The following ATP8B3 variants were observed in gnomAD, a reference collection of about 807,000 sequenced individuals.
ATP8B3 encodes the protein ATPase phospholipid transporting 8B3.
A neutral mutation model predicts 140.9 loss-of-function variants in ATP8B3; 141 were observed. The observed-to-expected ratio is 1.00, with a 90% confidence interval of 0.87 to 1.15. The LOEUF (loss-of-function observed/expected upper bound fraction) is 1.15. ATP8B3 is among the 50% of genes most tolerant of loss of function. The pLI is 0.00. For missense variants in ATP8B3, 1,874 were observed against 1,740.6 expected (o/e 1.08, Z -1.36); for synonymous variants, 765 against 714.6 (o/e 1.07, Z -1.13).
At chr19:1,790,953 G>C in intron 20 of ATP8B3, 121 bp from the exon 21 acceptor site, 3 of 813,776 alleles carry the variant, frequency 3.7e-6, no homozygotes, top group Non-Finnish European at 5.8e-6. Context: ...CCCACCCCCT[G>C]GCCATGGTGA....
In ATP8B3 at chr19:1,807,387, C is replaced by A; in HGVS notation, c.517-121G>T. The A allele has an allele frequency of 1.3e-6, 1 of 761,320 alleles. No homozygotes were observed. The highest frequency in any genetic ancestry group is 1.7e-5 in the African/African-American group (1 of 58,228). The allele number at this position is 761,320 out of a possible 1,614,324, so 47.2% of individuals were successfully genotyped here. A position where few individuals can be genotyped will look rare whatever the true frequency, so the allele number is the denominator to read the frequency against. On this transcript the variant is annotated intron_variant, in intron 5 of 28. Coordinates refer to ENST00000310127, the MANE Select transcript of ATP8B3 (RefSeq NM_138813.4). The surrounding 1 kb of genome is among the most constrained non-coding windows in gnomAD (Gnocchi z 5.9). ...TGACACATCTGCTGGCCACCTTGAC[C>A]GGGGTCCAGCCATCTCCTGCAACCC... is the stretch of plus-strand genomic sequence containing the variant.
rs972563977 is a variant in ATP8B3 at position 1,806,399 on chromosome 19, C to T, written c.677+229G>A. On this transcript the variant is annotated intron_variant, in intron 7 of 28. Coordinates refer to ENST00000310127, the MANE Select transcript of ATP8B3 (RefSeq NM_138813.4). This position sits in a 1 kb window ranked among gnomAD's most constrained non-coding sequence, Gnocchi z 5.6. ...CACGTCCTCTTCAGACTTTCCTTGT[C>T]CTCCCCATCGCCCGAGCCCTAAGCT... 6.9e-7 allele frequency: 1 copy of T among 1,443,662 alleles called. No homozygotes were observed. The allele number at this position is 1,443,662 out of a possible 1,614,324, so 89.4% of individuals were successfully genotyped here. A position where few individuals can be genotyped will look rare whatever the true frequency, so the allele number is the denominator to read the frequency against.
At position 1,805,875 on chromosome 19, in the gene ATP8B3, C is replaced by G. The variant is rs2068996621; in HGVS notation, c.821+13G>C. On this transcript the variant is annotated intron_variant, in intron 9 of 28. Coordinates refer to ENST00000310127, the MANE Select transcript of ATP8B3 (RefSeq NM_138813.4). This position sits in a 1 kb window ranked among gnomAD's most constrained non-coding sequence, Gnocchi z 5.2. ...CACCCCCCAGGGTCCCCAGCGATGC[C>G]ACAGCTCCTCACCCGTCAATGTCCA... 1.2e-6 allele frequency: 2 copies of G among 1,612,628 alleles called. No individual in the cohort carries two copies. The highest frequency in any genetic ancestry group is 1.7e-6 in the Non-Finnish European group (2 of 1,179,822).
rs1195708927 is a variant in ATP8B3 at position 1,783,406 on chromosome 19, G to A, written c.3661-136C>T. Reference sequence around the variant, plus strand: ...GGCTACGTTCTTCCCTACCCAAGTTGAGCCAATTAGAGTCCTCGACTCTCA... The same window carrying A: ...GGCTACGTTCTTCCCTACCCAAGTTAAGCCAATTAGAGTCCTCGACTCTCA... On this transcript the variant is annotated intron_variant, in intron 28 of 28. Coordinates refer to ENST00000310127, the MANE Select transcript of ATP8B3 (RefSeq NM_138813.4). 5 of 1,119,370 alleles carry A rather than the reference G, an allele frequency of 4.5e-6. No individual in the cohort carries two copies. The Admixed American group carries it at 7.9e-5, about 18-fold the overall frequency. 69.3% of individuals were successfully genotyped at this position (1,119,370 alleles called of 1,614,324 possible).
chr19:1,796,236 C>G lies in ATP8B3; in HGVS notation c.1783G>C (p.Asp595His). 1.2e-6 allele frequency: 2 copies of G among 1,612,018 alleles called. No individual in the cohort carries two copies. The highest frequency in any genetic ancestry group is 1.7e-6 in the Non-Finnish European group (2 of 1,179,636). Residue 595 changes from aspartate to histidine, a missense_variant, in exon 17 of 29, where the codon GAC becomes CAC. Around this residue, in one of 3 missense-constraint regions of ATP8B3, gnomAD observed 1,032 missense variants for 963.6 expected, o/e 1.07. Coordinates refer to ENST00000310127, the MANE Select transcript of ATP8B3 (RefSeq NM_138813.4). ...DQLLYQAASP[D>H]EGALVTAARN... ...GCTGCGGTGACCAGCGCCCCCTCGT[C>G]GGGGGAGGCCGCCTGGTACAACAGC...
In ATP8B3 at chr19:1,795,973, C is replaced by T; in HGVS notation, c.1957G>A (p.Gly653Ser). The T allele has an allele frequency of 1.2e-6, 2 of 1,613,234 alleles. No individual in the cohort carries two copies. The highest frequency in any genetic ancestry group is 1.7e-6 in the Non-Finnish European group (2 of 1,179,860). ...RMSVLVRKPE[G>S]AICLYTKGAD... ...CCCTTGGTGTACAGGCAGATGGCGC[C>T]CTCTGGCTTTCGAACTGTGGGGGAA... is the stretch of plus-strand genomic sequence containing the variant. The change falls in exon 18 of 29, where the codon GGC becomes AGC. Residue 653 changes from glycine (G) to serine (S), a missense_variant. Physicochemically the swap from Gly to Ser is moderately conservative, Grantham distance 56. This residue lies in a region of ATP8B3 where 1,032 missense variants were observed against 963.6 expected (regional missense o/e 1.07). Coordinates refer to ENST00000310127, the MANE Select transcript of ATP8B3 (RefSeq NM_138813.4).
Position 1,796,112 on chromosome 19 carries a change from T to G in ATP8B3, c.1907A>C (p.Asp636Ala), listed in dbSNP as rs2068664220. Residue 636 changes from aspartate (D) to alanine (A), a missense_variant, in exon 17 of 29, where the codon GAC (aspartate) becomes GCC (alanine). Transcript: ENST00000310127. ...ERVYQVLAIM[D>A]FNSTRKRMSV... ...CATCCGTTTGCGCGTGCTGTTGAAG[T>G]CCATTATGGCCAGGACCTGGTAGAC... 6.2e-7 allele frequency: 1 copy of G among 1,612,972 alleles called. No individual in the cohort carries two copies. The highest frequency in any genetic ancestry group is 1.6e-4 in the Middle Eastern group (1 of 6,062).
In ATP8B3 at chr19:1,792,147, G is replaced by C; in HGVS notation, c.2056-12C>G. The stretch of plus-strand genomic sequence containing the variant: ...TCCTGGGCAAAGGCCTGGGGGCCGG[G>C]CAGGTGGAAGCTGTCACCATGCTGA... On this transcript the variant is annotated splice_polypyrimidine_tract_variant and intron_variant, in intron 18 of 28. Coordinates refer to ENST00000310127, the MANE Select transcript of ATP8B3 (RefSeq NM_138813.4). 1.3e-6 allele frequency: 2 copies of C among 1,560,258 alleles called. No homozygotes were observed. The highest frequency in any genetic ancestry group is 1.7e-6 in the Non-Finnish European group (2 of 1,160,462).
chr19:1,787,268 TTCTGGGTGAGGTAAC>T, intron 24 of ATP8B3, 82 bp from the exon 25 acceptor site: 1 of 1,236,582 alleles, frequency 8.1e-7, no homozygotes, highest in Admixed American at 2.0e-5. Flanking sequence ...CCAGGGAGGG[TTCTGGGTGAGGTAAC>T]TCTGGTCGAG....
intron 5 of ATP8B3, 140 bp downstream of exon 5, chr19:1,808,082 C>A: frequency 1.5e-6 from 1 of 661,250 alleles, no homozygotes. Context: ...GTGCCAGGCC[C>A]TGGGCAGGGT....
rs927038890 is a variant in ATP8B3, at chr19:1,794,015, C to T, written c.2055+1860G>A. ...CCTCCCAAAGCACTGGGATTACAGG[C>T]GTGAGCCATCGCGCCAGCCTGTTTA... On this transcript the variant is annotated intron_variant, in intron 18 of 28. Coordinates refer to ENST00000310127, the MANE Select transcript of ATP8B3 (RefSeq NM_138813.4). This position sits in a 1 kb window ranked among gnomAD's most constrained non-coding sequence, Gnocchi z 4.8. Among the ~76,000 whole-genome samples the T allele has an allele frequency of 3.3e-5, 5 of 151,240 alleles. 1 individual carries two copies. The highest frequency in any genetic ancestry group is 1.3e-4 in the Admixed American group (2 of 15,168).
At chr19:1,809,562 T>G in intron 4 of ATP8B3, 81 bp downstream of exon 4, 1 of 1,230,752 alleles carries the variant, frequency 8.1e-7, no homozygotes, top group South Asian at 1.3e-5. Context: ...GAGGCAGGAC[T>G]CAGGAGGAGC....
chr19:1,809,768 G>A (rs372635175), intron 3 of ATP8B3, 34 bp from the exon 4 acceptor site: 2 of 1,563,726 alleles, frequency 1.3e-6, no homozygotes, highest in Non-Finnish European at 1.7e-6. Context: ...GCTGGAGCTC[G>A]AGGCCCAGGA....
intron 12 of ATP8B3, among the ~76,000 whole-genome samples, chr19:1,801,612 C>T (rs2068847851): frequency 1.3e-5 from 2 of 151,924 alleles, no homozygotes; most frequent in Admixed American, 6.6e-5. Flanking sequence ...ATTAGCCAGG[C>T]GTGGCGGCGT....
intron 12 of ATP8B3, among the ~76,000 whole-genome samples, chr19:1,801,125 G>A (rs917103706): frequency 1.3e-5 from 2 of 151,678 alleles, no homozygotes; most frequent in African/African-American, 4.8e-5. Context: ...ACTGCACCCA[G>A]CCGAAAAACA....
chr19:1,789,957 T>C lies in ATP8B3; in HGVS notation c.2411A>G (p.Asn804Ser). The C allele has an allele frequency of 6.2e-7, 1 of 1,612,120 alleles. No individual in the cohort carries two copies. Among genetic ancestry groups the C allele is most frequent in the Non-Finnish European group, 8.5e-7 (1 of 1,179,558 alleles). The change falls in exon 22 of 29, where the codon AAC (asparagine) becomes AGC (serine). Residue 804 changes from asparagine (N) to serine (S), a missense_variant. Coordinates refer to ENST00000310127, the MANE Select transcript of ATP8B3 (RefSeq NM_138813.4). ...CAGGGACTCCCTGGTTAGAAGGTTGTTACTGTTTTCCCAGTAGGTCTCCAG... is the reference window on the plus strand; with the variant it reads ...CAGGGACTCCCTGGTTAGAAGGTTGCTACTGTTTTCCCAGTAGGTCTCCAG... ...RILETYWENS[N>S]NLLTRESLSQ...
intron 2 of ATP8B3, 135 bp downstream of exon 2, chr19:1,811,354 T>C: frequency 7.9e-7 from 1 of 1,272,970 alleles, no homozygotes; most frequent in Non-Finnish European, 1.1e-6. Context: ...GGGGCCCTGG[T>C]TTGGCCCCCT....
intron 10 of ATP8B3, among the ~76,000 whole-genome samples, chr19:1,803,803 G>A (rs1038701160): frequency 7.3e-5 from 11 of 151,604 alleles, no homozygotes; most frequent in African/African-American, 2.7e-4. Context: ...GGCTGAGGCA[G>A]GAGAATCGCT....
chr19:1,811,719 A>G lies in ATP8B3; in HGVS notation c.18T>C (p.Ala6=). The G allele has an allele frequency of 6.3e-7, 1 of 1,598,100 alleles. No individual in the cohort carries two copies. The highest frequency in any genetic ancestry group is 8.5e-7 in the Non-Finnish European group (1 of 1,176,700). MGTGP[A]QTPRSTRAGP... ...CAGCTCTGGTGCTCCTGGGAGTCTG[A>G]GCGGGGCCAGTGCCCATTCACCGCA... Residue 6 remains alanine, a synonymous_variant, in exon 2 of 29, where the codon GCT becomes GCC. Transcript: ENST00000310127.
Sources: gnomAD v4.1 joint callset for allele counts (sites outside exome capture counted in the v4.1 genomes callset) on GRCh38, gnomAD v4.1.1 for gene constraint, gnomAD v4.1.1 regional missense constraint, Gnocchi (gnomAD v3.1) non-coding constraint, MANE v1.5 for transcripts, NCBI Gene and HGNC (gene_info 2026-07-23, HGNC 2026-07-21) for gene names.